NRSN1: variants seen among roughly 807,000 people sequenced by gnomAD.
NRSN1 encodes neurensin-1.
In NRSN1, 14 loss-of-function variants were observed where a neutral mutation model predicts 17.3. That is an observed-to-expected ratio of 0.81 (90% CI 0.54 to 1.27). The LOEUF (loss-of-function observed/expected upper bound fraction) is 1.27, where lower values mean the gene tolerates loss of function less well. Ranked by LOEUF, NRSN1 falls within the 50% of genes most tolerant of loss-of-function variation. NRSN1 has a pLI of 0.00. For synonymous variants in NRSN1, 79 were observed against 94.2 expected (o/e 0.84, Z 0.93); for missense variants, 209 against 235.9 (o/e 0.89, Z 0.75).
intron 3 of NRSN1, among the ~76,000 whole-genome samples, chr6:24,144,083 C>T (rs998617315): frequency 3.3e-5 from 5 of 152,180 alleles, no homozygotes; most frequent in Non-Finnish European, 5.9e-5. Context: ...TGCAGTTTAA[C>T]CTCCATCTGC....
At position 24,141,380 on chromosome 6, in the gene NRSN1, A is replaced by G. The variant is rs557014087; in HGVS notation, c.190-4168A>G. On this transcript the variant is annotated intron_variant, in intron 3 of 3. Transcript: ENST00000378491. Reference sequence around the variant, plus strand: ...GTCCCAACTGCTCTCCTCACCTCCCATATGCTACTCATGAGACTCCTTCGT... The same window carrying G: ...GTCCCAACTGCTCTCCTCACCTCCCGTATGCTACTCATGAGACTCCTTCGT... 4 of 529,964 alleles carry G rather than the reference A, an allele frequency of 7.5e-6. No individual in the cohort carries two copies. The Admixed American group carries it at 1.9e-4, about 26-fold the overall frequency. 32.8% of individuals were successfully genotyped at this position (529,964 alleles called of 1,614,324 possible).
intron 2 of NRSN1, among the ~76,000 whole-genome samples, chr6:24,134,055 AG>A (rs1462111597): frequency 8.4e-6 from 1 of 118,832 alleles, no homozygotes; most frequent in Non-Finnish European, 1.8e-5. Flanking sequence ...TAGTAGAGAC[AG>A]GGTTTCACCG....
rs57920151 is a variant in NRSN1, at chr6:24,146,010, T to A, written c.*64T>A. The A allele has an allele frequency of 8.2e-4, 1,237 of 1,514,130 alleles. 12 individuals are homozygous for A. In the African/African-American group the frequency reaches 0.013, roughly 16 times the overall value. 93.8% of individuals were successfully genotyped at this position (1,514,130 alleles called of 1,614,324 possible). On this transcript the variant is annotated 3_prime_UTR_variant, in exon 4 of 4. Transcript: ENST00000378491. ...CCGTGGTTAAAAAGAGCAGGCCAGT[T>A]TTCGAGATAAAGAAGATTTGGCGTT...
At chr6:24,138,685 C>T (rs1246122413) in intron 3 of NRSN1, among the ~76,000 whole-genome samples, 1 of 152,178 alleles carries the variant, frequency 6.6e-6, no homozygotes, top group Non-Finnish European at 1.5e-5. Flanking sequence ...CCTCTCAAGA[C>T]CCAGGTTAAG....
At chr6:24,132,630 T>C (rs1760053351) in intron 2 of NRSN1, among the ~76,000 whole-genome samples, 1 of 152,224 alleles carries the variant, frequency 6.6e-6, no homozygotes, top group African/African-American at 2.4e-5. Context: ...GGCAGCTATA[T>C]TGTGGACTAA....
In NRSN1 at chr6:24,138,399, C is replaced by T. The variant is rs141763217; in HGVS notation, c.189+3883C>T. On this transcript the variant is annotated intron_variant, in intron 3 of 3. Transcript: ENST00000378491. Reference sequence around the variant, plus strand: ...TTTTTTTCATATCTTTGCCTTTGACCTTGACTAAGGCTGTTGCCACTTGAT... The same window carrying T: ...TTTTTTTCATATCTTTGCCTTTGACTTTGACTAAGGCTGTTGCCACTTGAT... Among the ~76,000 whole-genome samples the T allele has an allele frequency of 4.4e-3, 675 of 152,302 alleles. 1 individual carries two copies. The highest frequency in any genetic ancestry group is 0.015 in the African/African-American group (633 of 41,568).
chr6:24,139,310 G>A (rs1760165230), intron 3 of NRSN1, among the ~76,000 whole-genome samples: 1 of 152,188 alleles, frequency 6.6e-6, no homozygotes, highest in East Asian at 1.9e-4. Flanking sequence ...TTCTCAGATT[G>A]CCTTTGAAGG....
chr6:24,140,983 C>T, intron 3 of NRSN1: 1 of 1,438,096 alleles, frequency 7.0e-7, no homozygotes, highest in Non-Finnish European at 9.1e-7. Context: ...AGTTACAGCA[C>T]AAAAACTGTC....
intron 3 of NRSN1, among the ~76,000 whole-genome samples, chr6:24,138,813 C>T (rs1760154558): frequency 6.6e-6 from 1 of 152,254 alleles, no homozygotes; most frequent in African/African-American, 2.4e-5. Flanking sequence ...TAGTTTTATA[C>T]TAGAGATGAG....
chr6:24,137,150 C>CT (rs1561866633), intron 3 of NRSN1, among the ~76,000 whole-genome samples: 1 of 152,180 alleles, frequency 6.6e-6, no homozygotes, highest in Non-Finnish European at 1.5e-5. Context: ...TGGCCTCTCA[C>CT]TGGGGGCTGT....
chr6:24,144,739 T>C (rs1760273842), intron 3 of NRSN1, among the ~76,000 whole-genome samples: 1 of 152,090 alleles, frequency 6.6e-6, no homozygotes, highest in Admixed American at 6.6e-5. Flanking sequence ...GAAGGGCTAC[T>C]GTTTTGTCTC....
At chr6:24,139,287 G>C (rs190619111) in intron 3 of NRSN1, among the ~76,000 whole-genome samples, 15 of 152,298 alleles carry the variant, frequency 9.8e-5, no homozygotes, top group Admixed American at 5.9e-4. Flanking sequence ...TATAATTTCT[G>C]TTTATAAAAG....
At chr6:24,142,365 G>A (rs774313793) in intron 3 of NRSN1, among the ~76,000 whole-genome samples, 29 of 152,214 alleles carry the variant, frequency 1.9e-4, no homozygotes, top group African/African-American at 6.7e-4. Flanking sequence ...ATTATGGGCA[G>A]AAGAAAAGTC....
rs1251695610 is a variant in NRSN1 at position 24,146,244 on chromosome 6, GT to G, written c.*300del. 1 of 617,254 alleles carries G rather than the reference GT, an allele frequency of 1.6e-6. No individual in the cohort carries two copies. Among genetic ancestry groups the G allele is most frequent in the Non-Finnish European group, 3.1e-6 (1 of 322,398 alleles). The allele number at this position is 617,254 out of a possible 1,614,324, so 38.2% of individuals were successfully genotyped here. On this transcript the variant is annotated 3_prime_UTR_variant, in exon 4 of 4. Transcript: ENST00000378491. The stretch of plus-strand genomic sequence containing the variant: ...ATCGTGACTTTGTGTTATTTTCCGT[GT>G]TGTTTGAAAGTGCCGAACAGTTTAG...
chr6:24,129,520 C>T (rs1759997029), intron 2 of NRSN1: 1 of 152,118 alleles, frequency 6.6e-6, no homozygotes, highest in Non-Finnish European at 1.5e-5. Context: ...AGTAAATAAA[C>T]CACACATAGA....
rs1335771656 is a variant in NRSN1 at position 24,128,213 on chromosome 6, C to G, written c.-10+13C>G. 1.3e-5 allele frequency: 2 copies of G among 152,084 alleles called. No homozygotes were observed. The highest frequency in any genetic ancestry group is 2.9e-5 in the Non-Finnish European group (2 of 68,010). 9.4% of individuals were successfully genotyped at this position (152,084 alleles called of 1,614,324 possible). A position where few individuals can be genotyped will look rare whatever the true frequency, so the allele number is the denominator to read the frequency against. On this transcript the variant is annotated intron_variant, in intron 2 of 3. Coordinates refer to ENST00000378491, the MANE Select transcript of NRSN1 (RefSeq NM_080723.5). Reference sequence around the variant, plus strand: ...GAGGACTTCAAAGGTAGGACTCAAACCTTATCACATGTAGATTCATAAGCA... The same window carrying G: ...GAGGACTTCAAAGGTAGGACTCAAAGCTTATCACATGTAGATTCATAAGCA...
In NRSN1 at chr6:24,134,436, T is replaced by G. The variant is rs1301454483; in HGVS notation, c.109T>G (p.Cys37Gly). Reference protein sequence around the residue: ...RSYLHQFYEDCTASIWEYEDD... With the variant: ...RSYLHQFYEDGTASIWEYEDD... ...CTACCTGCACCAGTTTTATGAGGAC[T>G]GTACAGCCTCAATTTGGGAGTATGA... is the stretch of plus-strand genomic sequence containing the variant. Residue 37 changes from cysteine to glycine, a missense_variant, in exon 3 of 4, where the codon TGT becomes GGT. By Grantham distance (159) the Cys-to-Gly change is radical. Coordinates refer to ENST00000378491, the MANE Select transcript of NRSN1 (RefSeq NM_080723.5). 1.2e-6 allele frequency: 2 copies of G among 1,614,016 alleles called. No individual in the cohort carries two copies. The highest frequency in any genetic ancestry group is 1.7e-6 in the Non-Finnish European group (2 of 1,179,984).
rs538076255 is a variant in NRSN1 at position 24,128,100 on chromosome 6, A to G, written c.-82-28A>G. The G allele has an allele frequency of 3.9e-5, 6 of 152,324 alleles. No individual in the cohort carries two copies. In the East Asian group the frequency reaches 1.2e-3, roughly 29 times the overall value. The allele number at this position is 152,324 out of a possible 1,614,324, so 9.4% of individuals were successfully genotyped here. On this transcript the variant is annotated intron_variant, in intron 1 of 3. Coordinates refer to ENST00000378491, the MANE Select transcript of NRSN1 (RefSeq NM_080723.5). ...AAATTTAGATTTTGATCTGGATTAC[A>G]TTCTGCAGAGACTTTTTTCTTAAAT...
intron 3 of NRSN1, chr6:24,140,795 T>G: frequency 1.6e-6 from 2 of 1,220,528 alleles, no homozygotes; most frequent in Non-Finnish European, 2.1e-6. Context: ...TCAGGCCTCA[T>G]CAGCTCACTG....
Sources: gnomAD v4.1 joint callset for allele counts (sites outside exome capture counted in the v4.1 genomes callset) on GRCh38, gnomAD v4.1.1 for gene constraint, MANE v1.5 for transcripts, NCBI Gene and HGNC (gene_info 2026-07-23, HGNC 2026-07-21) for gene names.